SURF2: variants seen among roughly 807,000 people sequenced by gnomAD.
SURF2 encodes surfeit locus protein 2.
SURF2 carries 32 observed loss-of-function variants against 26.2 expected under a neutral mutation model. That is an observed-to-expected ratio of 1.22 (90% CI 0.92 to 1.64). The LOEUF (loss-of-function observed/expected upper bound fraction) is 1.64. Ranked by LOEUF, SURF2 falls within the 40% of genes most tolerant of loss-of-function variation. The probability of loss-of-function intolerance (pLI) is 0.00; values close to 1 mark genes in which losing one functional copy is unlikely to be tolerated. For synonymous variants in SURF2, 173 were observed against 139.1 expected, an observed-to-expected ratio of 1.24 and a Z score of -1.71; for missense variants, 415 against 341.6, an observed-to-expected ratio of 1.21 and a Z score of -1.69.
intron 3 of SURF2, among the ~76,000 whole-genome samples, chr9:133,358,376 C>T (rs1836667876): frequency 6.6e-6 from 1 of 152,102 alleles, no homozygotes; most frequent in Admixed American, 6.5e-5. Context: ...GGGAGGACTC[C>T]TTGACTGCGG....
intron 3 of SURF2, 84 bp from the exon 4 acceptor site, chr9:133,359,866 G>C (rs587629128): frequency 6.9e-7 from 1 of 1,453,556 alleles, no homozygotes; most frequent in African/African-American, 1.4e-5. Flanking sequence ...GGCCCTGGCC[G>C]AGTGCAGTCC....
In SURF2 at chr9:133,361,051, C is replaced by T. The variant is rs2130056647; in HGVS notation, c.688-5C>T. 2.5e-6 allele frequency: 4 copies of T among 1,614,040 alleles called. No individual in the cohort carries two copies. The highest frequency in any genetic ancestry group is 3.4e-6 in the Non-Finnish European group (4 of 1,179,960). On this transcript the variant is annotated splice_polypyrimidine_tract_variant and splice_region_variant and intron_variant, in intron 5 of 5. Coordinates refer to ENST00000371964, the MANE Select transcript of SURF2 (RefSeq NM_017503.5). Reference sequence around the variant, plus strand: ...TCAGTAATCAGAATTTTGTTTATCCCACAGAAGCAGTTGGGCTCGTTGAAA... The same window carrying T: ...TCAGTAATCAGAATTTTGTTTATCCTACAGAAGCAGTTGGGCTCGTTGAAA...
rs1620025 is a variant in SURF2 at position 133,359,919 on chromosome 9, G to A, written c.338-31G>A. 10,614 of 1,579,458 alleles carry A rather than the reference G, an allele frequency of 6.7e-3. 56 individuals carry two copies. The highest frequency in any genetic ancestry group is 8.4e-3 in the Non-Finnish European group (9,780 of 1,160,896). ...CCCAGAGGACCGTGGGGGGTGTGGAGGTACCCAGCACGTGCTGGCTTATCT... is the reference window on the plus strand; with the variant it reads ...CCCAGAGGACCGTGGGGGGTGTGGAAGTACCCAGCACGTGCTGGCTTATCT... On this transcript the variant is annotated intron_variant, in intron 3 of 5. Transcript: ENST00000371964.
At chr9:133,360,917 A>T in intron 5 of SURF2, 139 bp from the exon 6 acceptor site, 1 of 853,274 alleles carries the variant, frequency 1.2e-6, no homozygotes, top group Non-Finnish European at 1.9e-6. Flanking sequence ...GCTGTTAAGG[A>T]AACGGGGGTG....
rs2130050796 is a variant in SURF2, at chr9:133,360,375, A to C, written c.628A>C (p.Thr210Pro). 6.2e-7 allele frequency: 1 copy of C among 1,613,872 alleles called. No individual in the cohort carries two copies. The highest frequency in any genetic ancestry group is 8.5e-7 in the Non-Finnish European group (1 of 1,179,996). ...EKAKPPREKA[T>P]DEGRRETTVY... is the part of the protein sequence containing the mutation. ...GGCAAAGCCCCCAAGAGAGAAGGCC[A>C]CTGATGAGGGCAGGAGAGAGACGAC... is the stretch of plus-strand genomic sequence containing the variant. The change falls in exon 5 of 6, where the codon ACT becomes CCT. Residue 210 changes from threonine (T) to proline (P), a missense_variant. Transcript: ENST00000371964.
At chr9:133,358,611 C>G (rs2130040251) in intron 3 of SURF2, among the ~76,000 whole-genome samples, 2 of 152,096 alleles carry the variant, frequency 1.3e-5, no homozygotes, top group Non-Finnish European at 2.9e-5. Flanking sequence ...CAGGAAGAGG[C>G]TGGAAGTCCT....
In SURF2 at chr9:133,360,316, C is replaced by G. The variant is rs2130049962; in HGVS notation, c.569C>G (p.Thr190Ser). 1.2e-6 allele frequency: 2 copies of G among 1,614,134 alleles called. No individual in the cohort carries two copies. Among genetic ancestry groups the G allele is most frequent in the Non-Finnish European group, 1.7e-6 (2 of 1,180,022 alleles). The part of the protein sequence containing the change: ...DLGSTEDGDG[T>S]DDFLTDKEDE... ...GGAAGCACGGAGGATGGGGATGGCACTGATGACTTTTTGACAGACAAAGAG... is the reference window on the plus strand; with the variant it reads ...GGAAGCACGGAGGATGGGGATGGCAGTGATGACTTTTTGACAGACAAAGAG... Residue 190 changes from threonine (T) to serine (S), a missense_variant, in exon 5 of 6, where the codon ACT (threonine) becomes AGT (serine). Coordinates refer to ENST00000371964, the MANE Select transcript of SURF2 (RefSeq NM_017503.5).
intron 2 of SURF2, 30 bp from the exon 3 acceptor site, chr9:133,357,681 C>T (rs2130035412): frequency 1.1e-5 from 17 of 1,599,600 alleles, no homozygotes; most frequent in Admixed American, 1.0e-4. Context: ...TGTGAACTGT[C>T]CCTACAAATT....
intron 1 of SURF2, 29 bp from the exon 2 acceptor site, chr9:133,356,885 T>A (rs2130030816): frequency 2.6e-6 from 4 of 1,529,278 alleles, no homozygotes; most frequent in Admixed American, 2.0e-5. Context: ...CTGGCCCTCC[T>A]GACGTCCTGC....
chr9:133,356,747 G>T, intron 1 of SURF2, 77 bp downstream of exon 1: 1 of 1,391,930 alleles, frequency 7.2e-7, no homozygotes, highest in East Asian at 2.7e-5. Context: ...GGGCAGGGGA[G>T]AGGAGAGGGC....
In SURF2 at chr9:133,360,048, C is replaced by A. The variant is rs2130046879; in HGVS notation, c.436C>A (p.Pro146Thr). Reference sequence around the variant, plus strand: ...CCAGATGGACGGTGACGGGCCTCGCCCGCGGGAAGCCTTCTGGGAGCCCAC... The same window carrying A: ...CCAGATGGACGGTGACGGGCCTCGCACGCGGGAAGCCTTCTGGGAGCCCAC... ...EDQMDGDGPR[P>T]REAFWEPTSS... Residue 146 changes from proline (P) to threonine (T), a missense_variant, in exon 4 of 6, where the codon CCG becomes ACG. By Grantham distance (38) the Pro-to-Thr change is conservative. Coordinates refer to ENST00000371964, the MANE Select transcript of SURF2 (RefSeq NM_017503.5). 1.6e-5 allele frequency: 26 copies of A among 1,614,056 alleles called. No homozygotes were observed. The highest frequency in any genetic ancestry group is 2.1e-5 in the Non-Finnish European group (25 of 1,179,960).
rs2130045520 is a variant in SURF2, at chr9:133,359,970, G to C, written c.358G>C (p.Gly120Arg). 4 of 1,612,350 alleles carry C rather than the reference G, an allele frequency of 2.5e-6. No individual in the cohort carries two copies. The South Asian group carries it at 4.4e-5, about 18-fold the overall frequency. The change falls in exon 4 of 6, where the codon GGG (glycine) becomes CGG (arginine). Residue 120 changes from glycine to arginine, a missense_variant. Coordinates refer to ENST00000371964, the MANE Select transcript of SURF2 (RefSeq NM_017503.5). ...LCKYEECQKQ[G>R]VEYVPACLVH... The stretch of plus-strand genomic sequence containing the variant: ...CCCAGATGAAGAATGTCAGAAGCAA[G>C]GGGTGGAGTACGTGCCTGCCTGCCT...
chr9:133,360,741 T>C (rs2130054111), intron 5 of SURF2, among the ~76,000 whole-genome samples: 39 of 152,228 alleles, frequency 2.6e-4, no homozygotes, highest in Non-Finnish European at 5.3e-4. Context: ...CACAGGGACC[T>C]GATTACTAGC....
At chr9:133,356,829 G>A in intron 1 of SURF2, 85 bp from the exon 2 acceptor site, 1 of 1,458,984 alleles carries the variant, frequency 6.9e-7, no homozygotes, top group Non-Finnish European at 9.1e-7. Context: ...ATCAGGGGAG[G>A]AGAGGGAAGG....
At position 133,357,815 on chromosome 9, in the gene SURF2, G is replaced by T. The variant is rs2130037051; in HGVS notation, c.337+1G>T. The T allele has an allele frequency of 3.7e-6, 6 of 1,613,158 alleles. No individual in the cohort carries two copies. Among genetic ancestry groups the T allele is most frequent in the Non-Finnish European group, 5.1e-6 (6 of 1,179,896 alleles). On this transcript the variant is annotated splice_donor_variant, in intron 3 of 5. Transcript: ENST00000371964. LOFTEE classifies it high-confidence loss of function. ...CGGTACCAGCGAGCTCTGTGTAAAT[G>T]TAAGTCCCAGTGGACCCCCATCAGT...
At chr9:133,357,600 C>A in intron 2 of SURF2, 111 bp from the exon 3 acceptor site, 1 of 1,022,232 alleles carries the variant, frequency 9.8e-7, no homozygotes, top group Non-Finnish European at 1.5e-6. Flanking sequence ...CTTTAAAAGC[C>A]CGATGTCCAA....
chr9:133,359,001 C>T lies in SURF2; in HGVS notation c.338-949C>T, dbSNP rs2130041113. On this transcript the variant is annotated intron_variant, in intron 3 of 5. Coordinates refer to ENST00000371964, the MANE Select transcript of SURF2 (RefSeq NM_017503.5). ...AGGCGGGCACCTTGCAGAGGCCTTG[C>T]AGGCACAAGGGCTGCCAGCCTGAGG... Among the ~76,000 whole-genome samples the T allele has an allele frequency of 6.6e-5, 10 of 152,328 alleles. No individual in the cohort carries two copies. The East Asian group carries it at 1.9e-3, about 29-fold the overall frequency.
chr9:133,358,600 C>T (rs2130040214), intron 3 of SURF2, among the ~76,000 whole-genome samples: 8,522 of 152,112 alleles, frequency 0.056, 330 homozygotes, highest in Non-Finnish European at 0.087. Context: ...GTCCTGAGCC[C>T]CAGGAAGAGG....
intron 4 of SURF2, 61 bp from the exon 5 acceptor site, chr9:133,360,204 G>T: frequency 6.3e-7 from 1 of 1,596,340 alleles, no homozygotes; most frequent in East Asian, 2.2e-5. Flanking sequence ...TGCCTCCCCT[G>T]CAAAGGTGGC....
Sources: gnomAD v4.1 joint callset for allele counts (sites outside exome capture counted in the v4.1 genomes callset) on GRCh38, gnomAD v4.1.1 for gene constraint, MANE v1.5 for transcripts, NCBI Gene and HGNC (gene_info 2026-07-23, HGNC 2026-07-21) for gene names.